Variants in NECTIN3 observed in about 807,000 individuals in gnomAD.
The protein encoded by NECTIN3 is nectin cell adhesion molecule 3, also known as nectin-3.
Under a neutral mutation model 49.4 loss-of-function variants are expected in NECTIN3, and 8 were observed. The ratio of observed to expected loss-of-function variants is 0.16; its 90% CI spans 0.10 to 0.29. NECTIN3 has a LOEUF of 0.29. Among genes scored for constraint, NECTIN3 ranks in the 10% least tolerant of loss-of-function variants. The pLI, the probability that NECTIN3 is intolerant of heterozygous loss-of-function variation, is 1.00. For synonymous variants in NECTIN3, 277 were observed against 241.1 expected (o/e 1.15, Z -1.38); for missense variants, 581 against 654.6 (o/e 0.89, Z 1.23).
chr3:111,192,031 C>T (rs1372166659), upstream of NECTIN3, among the ~76,000 whole-genome samples: 1 of 152,074 alleles, frequency 6.6e-6, no homozygotes, highest in East Asian at 1.9e-4. Flanking sequence ...GGAGTTTCAC[C>T]ATGTTGATCA....
intron 2 of NECTIN3, among the ~76,000 whole-genome samples, chr3:111,113,017 A>G (rs1241383718): frequency 6.6e-6 from 1 of 152,216 alleles, no homozygotes; most frequent in Non-Finnish European, 1.5e-5. Context: ...AGCAATAGCA[A>G]CTGGTGGCTG....
intron 1 of NECTIN3, among the ~76,000 whole-genome samples, chr3:111,076,185 A>T (rs919014371): frequency 6.6e-6 from 1 of 152,112 alleles, no homozygotes; most frequent in Non-Finnish European, 1.5e-5. Flanking sequence ...TATGTTTTAT[A>T]TGTGTATAGT....
chr3:111,097,314 G>A (rs775347028), intron 1 of NECTIN3, among the ~76,000 whole-genome samples: 1 of 142,388 alleles, frequency 7.0e-6, no homozygotes, highest in Non-Finnish European at 1.6e-5. Context: ...ATTGTATCTA[G>A]GAAGTAACTA....
chr3:111,073,235 G>A (rs2030928972), intron 1 of NECTIN3, among the ~76,000 whole-genome samples: 1 of 152,134 alleles, frequency 6.6e-6, no homozygotes, highest in Non-Finnish European at 1.5e-5. Flanking sequence ...TTGGTTTTCA[G>A]TATTTCATAA....
chr3:111,097,835 C>T (rs772257458), intron 1 of NECTIN3, among the ~76,000 whole-genome samples: 3 of 152,040 alleles, frequency 2.0e-5, no homozygotes, highest in Non-Finnish European at 2.9e-5. Context: ...TGTCCACTCT[C>T]GGGTGTATCT....
chr3:111,143,183 A>C (rs1365930647), intron 5 of NECTIN3, among the ~76,000 whole-genome samples: 1 of 151,902 alleles, frequency 6.6e-6, no homozygotes, highest in Non-Finnish European at 1.5e-5. Flanking sequence ...GTGCAGAATG[A>C]TATTTGGCTG....
At chr3:111,094,533 G>A (rs2032474522) in intron 1 of NECTIN3, among the ~76,000 whole-genome samples, 1 of 152,114 alleles carries the variant, frequency 6.6e-6, no homozygotes, top group Non-Finnish European at 1.5e-5. Context: ...GGGCCTTACA[G>A]GACTCAGAAG....
chr3:111,130,814 G>C (rs767133647), intron 5 of NECTIN3, among the ~76,000 whole-genome samples: 4 of 152,030 alleles, frequency 2.6e-5, no homozygotes, highest in Non-Finnish European at 4.4e-5. Flanking sequence ...TCTTTGACTA[G>C]TACTTACTGA....
chr3:111,114,509 A>G (rs1389999250), intron 2 of NECTIN3, among the ~76,000 whole-genome samples: 5 of 152,178 alleles, frequency 3.3e-5, no homozygotes, highest in African/African-American at 1.2e-4. Context: ...ATGTAATTTT[A>G]TGTCCCTAAA....
intron 7 of NECTIN3, among the ~76,000 whole-genome samples, chr3:111,149,997 C>G (rs1266639583): frequency 1.3e-5 from 2 of 151,888 alleles, no homozygotes; most frequent in African/African-American, 2.4e-5. Flanking sequence ...TTAAAATGAT[C>G]TAGGGAACTT....
At chr3:111,157,433 A>G (rs2035119867) in intron 7 of NECTIN3, among the ~76,000 whole-genome samples, 1 of 152,214 alleles carries the variant, frequency 6.6e-6, no homozygotes, top group Non-Finnish European at 1.5e-5. Flanking sequence ...GCTTGAGTTC[A>G]TTTAACATTT....
rs770647289 is a variant in NECTIN3 at position 111,136,375 on chromosome 3, T to G, written c.*2160T>G. 145 of 984,726 alleles carry G rather than the reference T, an allele frequency of 1.5e-4. No individual in the cohort carries two copies. The highest frequency in any genetic ancestry group is 7.9e-4 in the East Asian group (7 of 8,810). The allele number at this position is 984,726 out of a possible 1,614,324, so 61.0% of individuals were successfully genotyped here. A position where few individuals can be genotyped will look rare whatever the true frequency, so the allele number is the denominator to read the frequency against. Reference sequence around the variant, plus strand: ...GTTTTTTTGTTTGTTTCTTTTGTGTTTGTTTGGCGGGAGAGGGTGACCTGG... The same window carrying G: ...GTTTTTTTGTTTGTTTCTTTTGTGTGTGTTTGGCGGGAGAGGGTGACCTGG... On this transcript the variant is annotated 3_prime_UTR_variant, in exon 6 of 6. Coordinates refer to ENST00000485303, the MANE Select transcript of NECTIN3 (RefSeq NM_015480.3).
chr3:111,193,883 C>T (rs1192077708), intron 1 of NECTIN3, among the ~76,000 whole-genome samples: 1 of 152,162 alleles, frequency 6.6e-6, no homozygotes, highest in Non-Finnish European at 1.5e-5. Context: ...CAAACAGAGG[C>T]CTGAGGAAAG....
rs542393194 is a variant in NECTIN3 at position 111,072,240 on chromosome 3, G to T, written c.160+63G>T. The T allele has an allele frequency of 4.0e-6, 6 of 1,489,430 alleles. No individual in the cohort carries two copies. The African/African-American group carries it at 7.1e-5, about 18-fold the overall frequency. 92.3% of individuals were successfully genotyped at this position (1,489,430 alleles called of 1,614,324 possible). On this transcript the variant is annotated intron_variant, in intron 1 of 5. Coordinates refer to ENST00000485303, the MANE Select transcript of NECTIN3 (RefSeq NM_015480.3). ...CCGCCACTGAGGGTGCGGGCGCCGC[G>T]GCCGGCTCTGCCAGCCGTTCTCTGG...
intron 1 of NECTIN3, among the ~76,000 whole-genome samples, chr3:111,080,555 A>G (rs908065821): frequency 1.3e-5 from 2 of 152,092 alleles, no homozygotes; most frequent in African/African-American, 2.4e-5. Context: ...ATTTTTCTCC[A>G]TTCAGATACT....
chr3:111,158,427 G>A (rs981612177), intron 7 of NECTIN3, among the ~76,000 whole-genome samples: 5 of 152,114 alleles, frequency 3.3e-5, no homozygotes, highest in East Asian at 1.9e-4. Flanking sequence ...TCCTGTTTAT[G>A]AAAAGAAATG....
chr3:111,080,323 ATAT>A (rs2031511875), intron 1 of NECTIN3, among the ~76,000 whole-genome samples: 3 of 151,948 alleles, frequency 2.0e-5, no homozygotes, highest in Non-Finnish European at 2.9e-5. Flanking sequence ...TATTTTCTTT[ATAT>A]TTATAGTTAA....
At chr3:111,175,791 AT>A (rs2035516927) in intron 7 of NECTIN3, among the ~76,000 whole-genome samples, 1 of 152,152 alleles carries the variant, frequency 6.6e-6, no homozygotes, top group Non-Finnish European at 1.5e-5. Flanking sequence ...GGAGGTCTCC[AT>A]AAGTATTACC....
downstream of NECTIN3, among the ~76,000 whole-genome samples, chr3:111,141,960 T>C (rs1345814694): frequency 6.6e-6 from 1 of 151,880 alleles, no homozygotes; most frequent in Non-Finnish European, 1.5e-5. Flanking sequence ...CTATGAAGTA[T>C]GTATATGTTT....
Sources: allele counts gnomAD v4.1 joint callset (sites outside exome capture counted in the v4.1 genomes callset), GRCh38; gene constraint gnomAD v4.1.1; transcripts MANE v1.5; gene names NCBI Gene and HGNC (gene_info 2026-07-23, HGNC 2026-07-21).